AGAP3: variants seen among roughly 807,000 people sequenced by gnomAD.
AGAP3 encodes ArfGAP with GTPase domain, ankyrin repeat and PH domain 3, also known as arf-GAP with GTPase, ANK repeat and PH domain-containing protein 3.
A neutral mutation model predicts 96.9 loss-of-function variants in AGAP3; 24 were observed. That is an observed-to-expected ratio of 0.25 (90% CI 0.18 to 0.35). The LOEUF (loss-of-function observed/expected upper bound fraction) is 0.35, where lower values mean the gene tolerates loss of function less well. Ranked by LOEUF, AGAP3 falls within the 10% of genes least tolerant of loss-of-function variation. The pLI is 1.00. For synonymous variants in AGAP3, 563 were observed against 536.1 expected, an observed-to-expected ratio of 1.05 and a Z score of -0.69; for missense variants, 876 against 1,254.2, an observed-to-expected ratio of 0.70 and a Z score of 4.55.
At chr7:151,122,013 C>G (rs1429856394) in intron 8 of AGAP3, among the ~76,000 whole-genome samples, 1 of 152,230 alleles carries the variant, frequency 6.6e-6, no homozygotes. Flanking sequence ...CATTTCGTTG[C>G]TGCTCTTGCC....
rs1407610858 is a variant in AGAP3 at position 151,086,559 on chromosome 7, G to T, written c.-183G>T. ...CAGCGGCGGCCACAGCGTGCGCGGC[G>T]GCGCCTCCTGGCCTCGGCCTCCGGC... is the stretch of plus-strand genomic sequence containing the variant. On this transcript the variant is annotated 5_prime_UTR_variant, in exon 1 of 18. Coordinates refer to ENST00000397238, the MANE Select transcript of AGAP3 (RefSeq NM_031946.7). Among the ~76,000 whole-genome samples, 3 of 147,516 alleles carry T rather than the reference G, an allele frequency of 2.0e-5. No homozygotes were observed. Among genetic ancestry groups the T allele is most frequent in the Non-Finnish European group, 4.5e-5 (3 of 66,124 alleles).
rs1800707895 is a variant in AGAP3 at position 151,138,768 on chromosome 7, T to C, written c.1666+455T>C. The stretch of plus-strand genomic sequence containing the variant: ...GACGGAGGCTGGGCGCTCTAAGCCA[T>C]GTGAGCCACGTTCCGAAGGCAGCAG... On this transcript the variant is annotated intron_variant, in intron 12 of 17. Transcript: ENST00000397238. Among the ~76,000 whole-genome samples, 3 of 152,118 alleles carry C rather than the reference T, an allele frequency of 2.0e-5. No individual in the cohort carries two copies. In the South Asian group the frequency reaches 6.2e-4, roughly 32 times the overall value.
chr7:151,117,230 A>G (rs1799634005), intron 3 of AGAP3, 48 bp downstream of exon 3: 1 of 1,598,328 alleles, frequency 6.3e-7, no homozygotes, highest in Non-Finnish European at 8.6e-7. Flanking sequence ...CCACTCCTCC[A>G]GCTCCTGCCC....
rs913089057 is a variant in AGAP3 at position 151,133,060 on chromosome 7, C to T, written c.1327-1340C>T. ...AGCGCGTCTGGGAAGGCTCGTCGCACGGCCGCCCTTAGGATGCAGATATTC... is the reference window on the plus strand; with the variant it reads ...AGCGCGTCTGGGAAGGCTCGTCGCATGGCCGCCCTTAGGATGCAGATATTC... On this transcript the variant is annotated intron_variant, in intron 10 of 17. Transcript: ENST00000397238. The surrounding 1 kb of genome is among the most constrained non-coding windows in gnomAD (Gnocchi z 5.4). Among the ~76,000 whole-genome samples, 15 of 152,156 alleles carry T rather than the reference C, an allele frequency of 9.9e-5. No individual in the cohort carries two copies. The highest frequency in any genetic ancestry group is 2.1e-4 in the South Asian group (1 of 4,830).
rs1799428434 is a variant in AGAP3, at chr7:151,114,257, C to T, written c.332-2536C>T. Among the ~76,000 whole-genome samples the T allele has an allele frequency of 6.6e-6, 1 of 152,236 alleles. No homozygotes were observed. The highest frequency in any genetic ancestry group is 1.5e-5 in the Non-Finnish European group (1 of 68,034). On this transcript the variant is annotated intron_variant, in intron 1 of 17. Transcript: ENST00000397238. This position sits in a 1 kb window ranked among gnomAD's most constrained non-coding sequence, Gnocchi z 4.4. ...TGCAGACGAGGACACGCGCGCAGAC[C>T]CGGCATGGCTGCCTCTGACGTCTCA...
Position 151,142,680 on chromosome 7 carries a change from TG to T in AGAP3, c.2273+51del. 1 of 1,572,862 alleles carries T rather than the reference TG, an allele frequency of 6.4e-7. No individual in the cohort carries two copies. The highest frequency in any genetic ancestry group is 1.3e-5 in the African/African-American group (1 of 74,378). ...AGCTGGCCAGGAATGGGGGAAGCGT[TG>T]GGGGCTCCCAGCATGGGGAAGATTG... On this transcript the variant is annotated intron_variant, in intron 16 of 17. Transcript: ENST00000397238. The surrounding 1 kb of genome is among the most constrained non-coding windows in gnomAD (Gnocchi z 7.5).
At chr7:151,127,349 T>G (rs1800221375) in intron 9 of AGAP3, among the ~76,000 whole-genome samples, 2 of 152,198 alleles carry the variant, frequency 1.3e-5, no homozygotes, top group South Asian at 4.1e-4. Flanking sequence ...CTTCCCTCTC[T>G]GGGCGCCCCC....
intron 1 of AGAP3, among the ~76,000 whole-genome samples, chr7:151,090,861 G>A (rs1261567047): frequency 6.6e-6 from 1 of 152,082 alleles, no homozygotes; most frequent in Non-Finnish European, 1.5e-5. Context: ...GGAGAATGGT[G>A]TGAATCTGGG....
rs2150469973 is a variant in AGAP3 at position 151,117,695 on chromosome 7, C to T, written c.624C>T (p.Phe208=). The part of the protein sequence containing the change: ...FVFSLEDEIS[F]QTVYNYFLRL... ...TCAGCCTGGAGGATGAAATCAGTTT[C>T]CAGACGGTGTACAACTACTTCCTGC... Residue 208 remains phenylalanine (F), a synonymous_variant, in exon 5 of 18, where the codon TTC becomes TTT. Transcript: ENST00000397238. 5 of 1,614,180 alleles carry T rather than the reference C, an allele frequency of 3.1e-6. No individual in the cohort carries two copies. The highest frequency in any genetic ancestry group is 2.2e-5 in the East Asian group (1 of 44,882).
chr7:151,129,336 C>T (rs577434425), intron 10 of AGAP3, among the ~76,000 whole-genome samples: 1 of 152,242 alleles, frequency 6.6e-6, no homozygotes, highest in Admixed American at 6.5e-5. Context: ...GCGCGTGCCC[C>T]CCACTGCCCC....
rs1221654106 is a variant in AGAP3 at position 151,096,229 on chromosome 7, A to G, written c.331+9157A>G. ...TGGGGATGCGTGAGGTGAGGGCTGCATGAGATCACAGGAATGACCATTTCC... is the reference window on the plus strand; with the variant it reads ...TGGGGATGCGTGAGGTGAGGGCTGCGTGAGATCACAGGAATGACCATTTCC... On this transcript the variant is annotated intron_variant, in intron 1 of 17. Transcript: ENST00000397238. The surrounding 1 kb of genome is among the most constrained non-coding windows in gnomAD (Gnocchi z 4.4). 6.6e-6 allele frequency among the ~76,000 whole-genome samples: 1 copy of G among 152,184 alleles called. No individual in the cohort carries two copies. The highest frequency in any genetic ancestry group is 1.5e-5 in the Non-Finnish European group (1 of 68,026).
Position 151,141,984 on chromosome 7 carries a change from C to T in AGAP3, c.1891C>T (p.Leu631=), listed in dbSNP as rs1292744609. The change falls in exon 14 of 18, where the codon CTG becomes TTG. Residue 631 remains leucine, a synonymous_variant. Transcript: ENST00000397238. The surrounding 1 kb of genome is among the most constrained non-coding windows in gnomAD (Gnocchi z 4.2). ...FEASTAEERE[L]WVQSVQAQIL... ...GGCTTCAACGGCGGAGGAGCGGGAG[C>T]TGTGGGTTCAGAGTGTGCAGGCCCA... is the stretch of plus-strand genomic sequence containing the variant. The T allele has an allele frequency of 6.2e-7, 1 of 1,613,994 alleles. No homozygotes were observed. Among genetic ancestry groups the T allele is most frequent in the African/African-American group, 1.3e-5 (1 of 74,906 alleles).
At chr7:151,121,917 C>T (rs1017388941) in intron 8 of AGAP3, among the ~76,000 whole-genome samples, 4 of 152,242 alleles carry the variant, frequency 2.6e-5, no homozygotes, top group Admixed American at 2.6e-4. Flanking sequence ...GAGGGCGAGC[C>T]CCTGTGTCCT....
At chr7:151,126,557 G>GGGGGC (rs1382988443) in intron 9 of AGAP3, among the ~76,000 whole-genome samples, 8 of 151,326 alleles carry the variant, frequency 5.3e-5, no homozygotes, top group Non-Finnish European at 1.0e-4. Context: ...TTTGTGTGCT[G>GGGGGC]GGGGCGGGGC....
intron 9 of AGAP3, among the ~76,000 whole-genome samples, 188 bp downstream of exon 9, chr7:151,124,074 C>T (rs1235913072): frequency 1.3e-5 from 2 of 152,338 alleles, no homozygotes; most frequent in East Asian, 3.9e-4. Context: ...TGCGCCGCCA[C>T]CTTCAGGCCA....
intron 1 of AGAP3, among the ~76,000 whole-genome samples, chr7:151,109,798 C>T (rs1157254425): frequency 6.6e-6 from 1 of 152,200 alleles, no homozygotes. Context: ...ACTGCATCTG[C>T]CTGGCTTTCT....
chr7:151,120,604 C>T (rs1205336154), intron 8 of AGAP3: 2 of 1,293,722 alleles, frequency 1.5e-6, no homozygotes, highest in African/African-American at 3.0e-5. Context: ...CCCAGGCCTC[C>T]CCGTCGCCTT....
chr7:151,087,274 G>T, intron 1 of AGAP3: 2 of 618,726 alleles, frequency 3.2e-6, no homozygotes, highest in Non-Finnish European at 5.7e-6. Flanking sequence ...CTTTGGGGTT[G>T]GGGGTTTTCT....
chr7:151,094,881 T>C (rs1053740984), intron 1 of AGAP3, among the ~76,000 whole-genome samples: 1 of 149,988 alleles, frequency 6.7e-6, no homozygotes, highest in Non-Finnish European at 1.5e-5. Context: ...CTCCCTTCCT[T>C]CCTTCCTTCC....
Sources: allele counts gnomAD v4.1 joint callset (sites outside exome capture counted in the v4.1 genomes callset), GRCh38; gene constraint gnomAD v4.1.1; non-coding constraint Gnocchi (gnomAD v3.1); transcripts MANE v1.5; gene names NCBI Gene and HGNC (gene_info 2026-07-23, HGNC 2026-07-21).